Variants in SIPA1L1 observed in about 807,000 individuals in gnomAD.
SIPA1L1 encodes signal-induced proliferation-associated 1-like protein 1.
A neutral mutation model predicts 162.7 loss-of-function variants in SIPA1L1; 26 were observed. The observed-to-expected ratio is 0.16, with a 90% confidence interval of 0.12 to 0.22. SIPA1L1 has a LOEUF of 0.22. Ranked by LOEUF, SIPA1L1 falls within the 10% of genes least tolerant of loss-of-function variation. SIPA1L1 has a pLI of 1.00. For synonymous variants in SIPA1L1, 829 were observed against 837.4 expected, an observed-to-expected ratio of 0.99 and a Z score of 0.17; for missense variants, 1,874 against 2,241.0, an observed-to-expected ratio of 0.84 and a Z score of 3.31.
intron 2 of SIPA1L1, among the ~76,000 whole-genome samples, chr14:71,468,208 A>T (rs766904178): frequency 1.3e-5 from 2 of 152,216 alleles, no homozygotes; most frequent in Non-Finnish European, 2.9e-5. Flanking sequence ...AATAAAAGGC[A>T]TTGTCTCTAC....
chr14:71,401,092 T>C (rs1283123755), intron 2 of SIPA1L1, among the ~76,000 whole-genome samples: 2 of 152,196 alleles, frequency 1.3e-5, no homozygotes, highest in Non-Finnish European at 2.9e-5. Context: ...TTTTGAAAAG[T>C]AAATTTGATT....
At position 71,663,643 on chromosome 14, in the gene SIPA1L1, G is replaced by GT. The variant is rs2043737892; in HGVS notation, c.2255+2183dup. Among the ~76,000 whole-genome samples, 2 of 152,020 alleles carry GT rather than the reference G, an allele frequency of 1.3e-5. 1 individual carries two copies. Among genetic ancestry groups the GT allele is most frequent in the Non-Finnish European group, 2.9e-5 (2 of 67,980 alleles). On this transcript the variant is annotated intron_variant, in intron 10 of 23. Transcript: ENST00000381232. ...GTATGTTCTCCTTCTTCAGTGCTTT[G>GT]TTTTTTTATTTTTATCATCCCTCCC...
chr14:71,667,421 G>C (rs1434128481), intron 10 of SIPA1L1, among the ~76,000 whole-genome samples: 1 of 152,172 alleles, frequency 6.6e-6, no homozygotes, highest in Non-Finnish European at 1.5e-5. Context: ...TTTCTGGAGG[G>C]CTGAGCCCGG....
At chr14:71,650,556 G>C (rs749578636) in intron 8 of SIPA1L1, 47 bp downstream of exon 8, 2 of 1,560,128 alleles carry the variant, frequency 1.3e-6, no homozygotes, top group South Asian at 2.2e-5. Context: ...TCCCCCTGTT[G>C]TGCTGTTGTG....
At chr14:71,647,489 C>T (rs1339145573) in intron 7 of SIPA1L1, among the ~76,000 whole-genome samples, 1 of 151,974 alleles carries the variant, frequency 6.6e-6, no homozygotes, top group Non-Finnish European at 1.5e-5. Flanking sequence ...TAGGCACCCA[C>T]AAATTCAGTG....
intron 13 of SIPA1L1, among the ~76,000 whole-genome samples, chr14:71,692,216 G>A (rs544959641): frequency 1.7e-4 from 26 of 152,170 alleles, no homozygotes; most frequent in Non-Finnish European, 3.2e-4. Flanking sequence ...GATAGGTAAA[G>A]GCAAAGCACT....
At chr14:71,691,871 C>T (rs1302482986) in intron 13 of SIPA1L1, among the ~76,000 whole-genome samples, 1 of 152,230 alleles carries the variant, frequency 6.6e-6, no homozygotes, top group Non-Finnish European at 1.5e-5. Context: ...CTTACCACCA[C>T]ATGGCTTCTT....
At chr14:71,533,465 C>T (rs1294149570) in intron 4 of SIPA1L1, among the ~76,000 whole-genome samples, 2 of 152,174 alleles carry the variant, frequency 1.3e-5, no homozygotes, top group Non-Finnish European at 2.9e-5. Flanking sequence ...AAATTTTCAA[C>T]TTGTAATGTG....
intron 2 of SIPA1L1, among the ~76,000 whole-genome samples, chr14:71,393,805 A>G (rs900779141): frequency 3.3e-5 from 5 of 152,214 alleles, no homozygotes; most frequent in African/African-American, 1.2e-4. Context: ...TGGGTGATAC[A>G]GCAAGACCCC....
chr14:71,327,468 C>G (rs1265624136), intron 2 of SIPA1L1, among the ~76,000 whole-genome samples: 2 of 152,206 alleles, frequency 1.3e-5, no homozygotes, highest in Non-Finnish European at 2.9e-5. Flanking sequence ...TAGCTGCTAA[C>G]TGGACTGTGG....
intron 8 of SIPA1L1, among the ~76,000 whole-genome samples, chr14:71,650,997 T>G (rs2042573122): frequency 6.6e-6 from 1 of 152,198 alleles, no homozygotes; most frequent in Non-Finnish European, 1.5e-5. Flanking sequence ...CACAGTCTAC[T>G]TAATCTCTGA....
chr14:71,672,279 T>C, intron 11 of SIPA1L1, 69 bp from the exon 12 acceptor site: 1 of 1,508,312 alleles, frequency 6.6e-7, no homozygotes, highest in Non-Finnish European at 9.1e-7. Flanking sequence ...GCAATGATTT[T>C]CCAGTTCCAT....
intron 19 of SIPA1L1, among the ~76,000 whole-genome samples, chr14:71,728,233 GGTTTT>G (rs1251521899): frequency 6.6e-6 from 1 of 152,106 alleles, no homozygotes; most frequent in East Asian, 1.9e-4. Context: ...TGTTTTATTT[GGTTTT>G]ATTTTTTAAT....
intron 7 of SIPA1L1, among the ~76,000 whole-genome samples, chr14:71,628,615 G>A (rs534983466): frequency 2.6e-5 from 4 of 152,326 alleles, no homozygotes; most frequent in Admixed American, 1.3e-4. Flanking sequence ...GTAAGACATA[G>A]TCCTTATCCA....
intron 2 of SIPA1L1, among the ~76,000 whole-genome samples, chr14:71,442,067 G>A (rs1453282299): frequency 6.6e-6 from 1 of 151,326 alleles, no homozygotes; most frequent in East Asian, 1.9e-4. Context: ...CAGCTACTTA[G>A]GAGGCTGAGG....
chr14:71,653,377 A>G (rs1050245499), intron 8 of SIPA1L1, among the ~76,000 whole-genome samples: 1 of 152,200 alleles, frequency 6.6e-6, no homozygotes, highest in African/African-American at 2.4e-5. Flanking sequence ...GCATATGCAT[A>G]TGCAGCTTAC....
chr14:71,601,910 T>A (rs570428710), intron 5 of SIPA1L1, among the ~76,000 whole-genome samples: 1 of 152,096 alleles, frequency 6.6e-6, no homozygotes, highest in East Asian at 1.9e-4. Flanking sequence ...AGTTGTGATG[T>A]CTTTTTTTTC....
chr14:71,717,108 C>T (rs2083327617), intron 17 of SIPA1L1, among the ~76,000 whole-genome samples: 1 of 152,160 alleles, frequency 6.6e-6, no homozygotes, highest in African/African-American at 2.4e-5. Context: ...CCTTGTTGGC[C>T]AGGATGGTCT....
intron 8 of SIPA1L1, among the ~76,000 whole-genome samples, chr14:71,658,119 A>G (rs1252692621): frequency 1.3e-5 from 2 of 151,736 alleles, no homozygotes; most frequent in Non-Finnish European, 1.5e-5. Context: ...ACTTTTACAA[A>G]TATTATTCTG....
Sources: gnomAD v4.1 joint callset for allele counts (sites outside exome capture counted in the v4.1 genomes callset) on GRCh38, gnomAD v4.1.1 for gene constraint, MANE v1.5 for transcripts, NCBI Gene and HGNC (gene_info 2026-07-23, HGNC 2026-07-21) for gene names.